SFMBT2: variants seen among roughly 807,000 people sequenced by gnomAD.
The protein encoded by SFMBT2 is Scm like with four mbt domains 2.
A neutral mutation model predicts 110.1 loss-of-function variants in SFMBT2; 38 were observed. The ratio of observed to expected loss-of-function variants is 0.35; its 90% CI spans 0.27 to 0.45. The LOEUF (loss-of-function observed/expected upper bound fraction) is 0.45. Among genes scored for constraint, SFMBT2 ranks in the 20% least tolerant of loss-of-function variants. The pLI, the probability that SFMBT2 is intolerant of heterozygous loss-of-function variation, is 1.00. For missense variants in SFMBT2, 1,011 were observed against 1,094.9 expected (o/e 0.92, Z 1.08); for synonymous variants, 425 against 425.4 (o/e 1.00, Z 0.01).
Position 7,280,127 on chromosome 10 carries a change from G to A in SFMBT2, c.773-3138C>T, listed in dbSNP as rs542140761. ...CTATGTGAGGACACAGTCAGAAGGC[G>A]GCTGTCTGCAAACCAGGAAGCGAGC... On this transcript the variant is annotated intron_variant, in intron 6 of 20. Coordinates refer to ENST00000397167, the MANE Select transcript of SFMBT2 (RefSeq NM_001387889.1). Among the ~76,000 whole-genome samples, 4 of 152,288 alleles carry A rather than the reference G, an allele frequency of 2.6e-5. No individual in the cohort carries two copies. In the East Asian group the frequency reaches 5.8e-4, roughly 22 times the overall value.
intron 15 of SFMBT2, among the ~76,000 whole-genome samples, chr10:7,196,945 G>A (rs942517028): frequency 7.2e-5 from 11 of 152,200 alleles, no homozygotes; most frequent in South Asian, 4.1e-4. Flanking sequence ...GTCGTCGCCC[G>A]AAGGCAGCAG....
At chr10:7,189,872 G>A (rs1838542613) in intron 15 of SFMBT2, among the ~76,000 whole-genome samples, 2 of 152,208 alleles carry the variant, frequency 1.3e-5, no homozygotes, top group Non-Finnish European at 1.5e-5. Flanking sequence ...ATCTTTTAAT[G>A]GAGACTATTA....
chr10:7,204,874 T>TA (rs560766656), intron 12 of SFMBT2: 34,488 of 647,652 alleles, frequency 0.053, 6 homozygotes, highest in Middle Eastern at 0.063. Context: ...ACTCCATCTT[T>TA]AAAAAAAAAA....
chr10:7,394,448 C>A (rs995326136), intron 1 of SFMBT2, among the ~76,000 whole-genome samples: 1 of 151,582 alleles, frequency 6.6e-6, no homozygotes, highest in Non-Finnish European at 1.5e-5. Flanking sequence ...GGGGAACACG[C>A]CACTTCCTAG....
chr10:7,205,906 C>T lies in SFMBT2; in HGVS notation c.1353G>A (p.Glu451=), dbSNP rs1002135559. ...CCATGGATTCCACATCAACAATGACCTCTGGAACAGGAGTCTGCAGCCCTG... is the reference window on the plus strand; with the variant it reads ...CCATGGATTCCACATCAACAATGACTTCTGGAACAGGAGTCTGCAGCCCTG... ...HLEGLQTPVP[E]VIVDVESMDI... Residue 451 remains glutamate (E), a synonymous_variant, in exon 12 of 21, where the codon GAG becomes GAA. Transcript: ENST00000397167. 6.2e-7 allele frequency: 1 copy of T among 1,613,996 alleles called. No homozygotes were observed. Among genetic ancestry groups the T allele is most frequent in the Non-Finnish European group, 8.5e-7 (1 of 1,179,932 alleles).
chr10:7,366,665 GGT>G (rs1394040104), intron 4 of SFMBT2, among the ~76,000 whole-genome samples: 1 of 152,198 alleles, frequency 6.6e-6, no homozygotes, highest in Admixed American at 6.5e-5. Flanking sequence ...TAGAGAGTGG[GGT>G]GTAGAGATTC....
intron 4 of SFMBT2, among the ~76,000 whole-genome samples, chr10:7,361,232 C>T (rs1455410682): frequency 6.6e-6 from 1 of 152,078 alleles, no homozygotes; most frequent in Non-Finnish European, 1.5e-5. Flanking sequence ...TGTCAGATAA[C>T]CAAAGAAAAT....
chr10:7,180,990 C>A (rs191828082), intron 16 of SFMBT2, among the ~76,000 whole-genome samples: 4 of 152,090 alleles, frequency 2.6e-5, no homozygotes, highest in Non-Finnish European at 5.9e-5. Context: ...CTGAGCCACT[C>A]CCGTTAGAAA....
At chr10:7,290,251 T>G (rs1842223336) in intron 4 of SFMBT2, among the ~76,000 whole-genome samples, 1 of 146,292 alleles carries the variant, frequency 6.8e-6, no homozygotes, top group Non-Finnish European at 1.5e-5. Flanking sequence ...TCCTAGAAAG[T>G]CATAAGAAAC....
At chr10:7,325,723 A>G (rs1042692654) in intron 4 of SFMBT2, among the ~76,000 whole-genome samples, 1 of 152,228 alleles carries the variant, frequency 6.6e-6, no homozygotes, top group Non-Finnish European at 1.5e-5. Context: ...TTAACAATAA[A>G]TAAGTGGGGA....
chr10:7,324,055 T>C (rs1564440392), intron 4 of SFMBT2, among the ~76,000 whole-genome samples: 2 of 152,224 alleles, frequency 1.3e-5, no homozygotes, highest in Admixed American at 1.3e-4. Flanking sequence ...TTAGTGAATA[T>C]AGTAGGACTC....
At chr10:7,398,559 A>G (rs1465778779) in intron 1 of SFMBT2, among the ~76,000 whole-genome samples, 2 of 152,230 alleles carry the variant, frequency 1.3e-5, no homozygotes, top group Admixed American at 6.5e-5. Context: ...TCCTTAGCTA[A>G]GCAGAAGACT....
intron 4 of SFMBT2, among the ~76,000 whole-genome samples, chr10:7,329,003 A>G (rs538057844): frequency 2.0e-5 from 3 of 152,144 alleles, no homozygotes; most frequent in Non-Finnish European, 2.9e-5. Context: ...TCTCCCCTAA[A>G]TTCCCTGCCG....
chr10:7,333,108 C>G (rs942294964), intron 4 of SFMBT2, among the ~76,000 whole-genome samples: 5 of 152,138 alleles, frequency 3.3e-5, no homozygotes, highest in African/African-American at 1.2e-4. Context: ...CTCAGGTGAT[C>G]CGCCCACCCT....
intron 7 of SFMBT2, among the ~76,000 whole-genome samples, chr10:7,263,336 G>A (rs1841275506): frequency 6.6e-6 from 1 of 152,126 alleles, no homozygotes; most frequent in South Asian, 2.1e-4. Flanking sequence ...CCACCTCCCG[G>A]GTTCAAGTGA....
chr10:7,220,671 T>A, intron 10 of SFMBT2, 134 bp from the exon 11 acceptor site: 1 of 883,600 alleles, frequency 1.1e-6, no homozygotes, highest in South Asian at 1.6e-5. Flanking sequence ...GTGTTTGTCC[T>A]TCCCACTGTT....
chr10:7,331,796 G>C (rs1265668309), intron 4 of SFMBT2, among the ~76,000 whole-genome samples: 2 of 152,006 alleles, frequency 1.3e-5, no homozygotes. Context: ...CTGAGGTCAG[G>C]AGTTCAAAAT....
rs566515622 is a variant in SFMBT2 at position 7,289,398 on chromosome 10, G to A, written c.437-3444C>T. 7.5e-4 allele frequency among the ~76,000 whole-genome samples: 115 copies of A among 152,320 alleles called. 3 individuals are homozygous for A. The South Asian group carries it at 0.023, about 31-fold the overall frequency. ...TTAAAATATGCAAGCACCCTATGAA[G>A]TCACTGCACAATGCTGAAATTTAAA... is the stretch of plus-strand genomic sequence containing the variant. On this transcript the variant is annotated intron_variant, in intron 4 of 20. Transcript: ENST00000397167.
chr10:7,230,304 G>A (rs1840078913), intron 9 of SFMBT2, among the ~76,000 whole-genome samples: 1 of 152,088 alleles, frequency 6.6e-6, no homozygotes, highest in African/African-American at 2.4e-5. Flanking sequence ...TTTCTAGACA[G>A]GACCAGAGCC....
Sources: gnomAD v4.1 joint callset for allele counts (sites outside exome capture counted in the v4.1 genomes callset) on GRCh38, gnomAD v4.1.1 for gene constraint, MANE v1.5 for transcripts, NCBI Gene and HGNC (gene_info 2026-07-23, HGNC 2026-07-21) for gene names.